The following ADAMTS18 variants were observed in gnomAD, a reference collection of about 807,000 sequenced individuals.
ADAMTS18 encodes ADAM metallopeptidase with thrombospondin type 1 motif 18, also known as A disintegrin and metalloproteinase with thrombospondin motifs 18.
A neutral mutation model predicts 165.9 loss-of-function variants in ADAMTS18; 157 were observed. The ratio of observed to expected loss-of-function variants is 0.95; its 90% CI spans 0.83 to 1.08. ADAMTS18 has a LOEUF of 1.08. Ranked by LOEUF, ADAMTS18 falls within the 50% of genes least tolerant of loss-of-function variation. ADAMTS18 has a pLI of 0.00. For synonymous variants in ADAMTS18, 782 were observed against 578.2 expected, an observed-to-expected ratio of 1.35 and a Z score of -5.06; for missense variants, 2,040 against 1,534.0, an observed-to-expected ratio of 1.33 and a Z score of -5.51.
intron 3 of ADAMTS18, among the ~76,000 whole-genome samples, chr16:77,428,488 T>A (rs571238698): frequency 6.6e-6 from 1 of 152,238 alleles, no homozygotes; most frequent in African/African-American, 2.4e-5. Context: ...TTCACAACTA[T>A]CAATCAGAAC....
chr16:77,427,797 T>C (rs576052915), intron 3 of ADAMTS18, among the ~76,000 whole-genome samples: 17 of 152,104 alleles, frequency 1.1e-4, no homozygotes, highest in African/African-American at 3.1e-4. Flanking sequence ...GCAGGGGAGG[T>C]GGGTGCATTT....
intron 16 of ADAMTS18, among the ~76,000 whole-genome samples, chr16:77,303,898 T>C (rs12931161): frequency 0.41 from 62,881 of 151,924 alleles, 14,806 homozygotes; most frequent in Non-Finnish European, 0.53. Context: ...GGCCTGGTGG[T>C]GGGCACCTGT....
At chr16:77,373,966 C>G (rs1331808091) in intron 3 of ADAMTS18, among the ~76,000 whole-genome samples, 1 of 152,114 alleles carries the variant, frequency 6.6e-6, no homozygotes, top group Non-Finnish European at 1.5e-5. Context: ...CACTTGTAAT[C>G]CCAGCACTTC....
chr16:77,319,088 G>A (rs968104836), intron 16 of ADAMTS18, among the ~76,000 whole-genome samples: 2 of 151,878 alleles, frequency 1.3e-5, no homozygotes, highest in Non-Finnish European at 1.5e-5. Context: ...TTACCTGTGG[G>A]GAAGCTACAA....
intron 8 of ADAMTS18, among the ~76,000 whole-genome samples, chr16:77,358,217 G>A (rs962543170): frequency 2.4e-4 from 36 of 152,082 alleles, no homozygotes; most frequent in African/African-American, 8.7e-4. Flanking sequence ...GAAATTTGTT[G>A]GATAACAATA....
chr16:77,400,462 GTGTGTGTGTGTGTGTGTGTTT>G (rs2057313266), intron 3 of ADAMTS18, among the ~76,000 whole-genome samples: 2 of 140,346 alleles, frequency 1.4e-5, no homozygotes, highest in African/African-American at 5.4e-5. Flanking sequence ...GTGTCTGTGT[GTGTGTGTGTGTGTGTGTGTTT>G]TGTTTTTTTT....
At chr16:77,419,510 C>T (rs1395000911) in intron 3 of ADAMTS18, among the ~76,000 whole-genome samples, 1 of 152,130 alleles carries the variant, frequency 6.6e-6, no homozygotes, top group Non-Finnish European at 1.5e-5. Context: ...TCTCTGACTT[C>T]TTCTCCTCTC....
At chr16:77,297,916 C>CTTTTTTTTTTTTTTTTTTTTTTTTTTT in intron 17 of ADAMTS18, among the ~76,000 whole-genome samples, 1 of 61,534 alleles carries the variant, frequency 1.6e-5, no homozygotes, top group Non-Finnish European at 2.8e-5. Flanking sequence ...TCTGCTTTTG[C>CTTTTTTTTTTTTTTTTTTTTTTTTTTT]TTTTTTTTTT....
chr16:77,333,828 T>G (rs1209631456), intron 12 of ADAMTS18, among the ~76,000 whole-genome samples: 1 of 146,652 alleles, frequency 6.8e-6, no homozygotes, highest in Non-Finnish European at 1.5e-5. Context: ...ATATTAATAG[T>G]ATATATTAAT....
At chr16:77,298,350 C>A (rs2055515686) in intron 17 of ADAMTS18, among the ~76,000 whole-genome samples, 1 of 152,080 alleles carries the variant, frequency 6.6e-6, no homozygotes, top group Non-Finnish European at 1.5e-5. Context: ...AGAGATGCTG[C>A]CTCCCCTTTG....
chr16:77,400,363 C>A (rs970403039), intron 3 of ADAMTS18, among the ~76,000 whole-genome samples: 4 of 151,676 alleles, frequency 2.6e-5, no homozygotes, highest in Non-Finnish European at 4.4e-5. Context: ...AGTTAAGACC[C>A]CTGGGACTAC....
At chr16:77,353,050 A>G (rs1333862793) in intron 10 of ADAMTS18, among the ~76,000 whole-genome samples, 1 of 152,176 alleles carries the variant, frequency 6.6e-6, no homozygotes, top group African/African-American at 2.4e-5. Flanking sequence ...ACTGCCCTCA[A>G]GCCTGGGCAA....
intron 22 of ADAMTS18, among the ~76,000 whole-genome samples, chr16:77,285,313 C>T (rs1394102883): frequency 6.6e-6 from 1 of 152,142 alleles, no homozygotes; most frequent in East Asian, 1.9e-4. Flanking sequence ...GCTGGGATTA[C>T]AGGCACCCAC....
chr16:77,351,541 A>T (rs771989936), intron 10 of ADAMTS18, among the ~76,000 whole-genome samples: 1 of 152,242 alleles, frequency 6.6e-6, no homozygotes, highest in East Asian at 1.9e-4. Context: ...GAAGAAAATT[A>T]TACTTATTAC....
At chr16:77,343,410 A>T (rs1302944917) in intron 10 of ADAMTS18, among the ~76,000 whole-genome samples, 1 of 152,210 alleles carries the variant, frequency 6.6e-6, no homozygotes. Context: ...TTCCAGAACT[A>T]TAAGATAATA....
At chr16:77,361,111 G>A (rs2056706828) in intron 7 of ADAMTS18, among the ~76,000 whole-genome samples, 1 of 151,990 alleles carries the variant, frequency 6.6e-6, no homozygotes, top group Non-Finnish European at 1.5e-5. Flanking sequence ...AATTCATAAA[G>A]TTTTATTAAA....
intron 3 of ADAMTS18, among the ~76,000 whole-genome samples, chr16:77,393,134 G>A (rs541710348): frequency 1.3e-4 from 20 of 152,276 alleles, no homozygotes; most frequent in African/African-American, 4.8e-4. Context: ...GGGACCATCT[G>A]GTCACCATGG....
At chr16:77,313,092 C>T (rs916768842) in intron 16 of ADAMTS18, among the ~76,000 whole-genome samples, 9 of 139,340 alleles carry the variant, frequency 6.5e-5, no homozygotes, top group African/African-American at 2.5e-4. Flanking sequence ...GGCACATATG[C>T]ACCATGGAAT....
At chr16:77,434,231 G>A (rs1486537301) in intron 2 of ADAMTS18, among the ~76,000 whole-genome samples, 187 bp downstream of exon 2, 1 of 152,002 alleles carries the variant, frequency 6.6e-6, no homozygotes, top group Non-Finnish European at 1.5e-5. Context: ...TGCAGCTCGG[G>A]GCGTTGATTC....
Sources: gnomAD v4.1 joint callset for allele counts (sites outside exome capture counted in the v4.1 genomes callset) on GRCh38, gnomAD v4.1.1 for gene constraint, MANE v1.5 for transcripts, NCBI Gene and HGNC (gene_info 2026-07-23, HGNC 2026-07-21) for gene names.